Variants in CSMD1 observed in about 807,000 individuals in gnomAD.
CSMD1 encodes CUB and Sushi multiple domains 1.
In CSMD1, 213 loss-of-function variants were observed where a neutral mutation model predicts 417.5. The observed-to-expected ratio is 0.51, with a 90% CI of 0.46 to 0.57. The LOEUF (loss-of-function observed/expected upper bound fraction) is 0.57. Ranked by LOEUF, CSMD1 falls within the 20% of genes least tolerant of loss-of-function variation. The probability of loss-of-function intolerance (pLI) is 0.00; values close to 1 mark genes in which losing one functional copy is unlikely to be tolerated. For synonymous variants in CSMD1, 2,862 were observed against 1,736.8 expected (o/e 1.65, Z -16.11); for missense variants, 6,923 against 4,529.7 (o/e 1.53, Z -15.17).
intron 2 of CSMD1, among the ~76,000 whole-genome samples, chr8:4,606,467 T>C (rs189176389): frequency 2.0e-5 from 3 of 152,250 alleles, no homozygotes; most frequent in East Asian, 3.9e-4. Context: ...GATTACAACA[T>C]CATCCGATGC....
At chr8:3,372,436 G>T (rs1352036742) in intron 18 of CSMD1, among the ~76,000 whole-genome samples, 1 of 152,154 alleles carries the variant, frequency 6.6e-6, no homozygotes, top group African/African-American at 2.4e-5. Context: ...TGCTCCTGAG[G>T]CTGTGCTGAG....
At chr8:3,676,813 T>C (rs1226773593) in intron 7 of CSMD1, among the ~76,000 whole-genome samples, 1 of 152,132 alleles carries the variant, frequency 6.6e-6, no homozygotes, top group Admixed American at 6.6e-5. Flanking sequence ...ATGTGGCACA[T>C]ACACACCATG....
chr8:2,945,388 G>C (rs2721289), intron 68 of CSMD1, among the ~76,000 whole-genome samples: 124,662 of 152,108 alleles, frequency 0.82, 51,497 homozygotes, highest in East Asian at 0.93. Flanking sequence ...GTATTCTACT[G>C]ATTAGATATA....
intron 1 of CSMD1, among the ~76,000 whole-genome samples, chr8:4,746,466 C>G (rs566844604): frequency 6.6e-6 from 1 of 152,170 alleles, no homozygotes; most frequent in Non-Finnish European, 1.5e-5. Flanking sequence ...TATCAGGCTC[C>G]CTCAAGAATG....
chr8:4,687,416 G>C (rs761486057), intron 1 of CSMD1, among the ~76,000 whole-genome samples: 32 of 152,106 alleles, frequency 2.1e-4, no homozygotes, highest in Non-Finnish European at 5.9e-5. Context: ...AGAGTGGAAA[G>C]AAAATGAAAA....
chr8:3,181,819 C>A (rs576497930), intron 36 of CSMD1, among the ~76,000 whole-genome samples: 1 of 152,044 alleles, frequency 6.6e-6, no homozygotes, highest in Non-Finnish European at 1.5e-5. Flanking sequence ...AGTAACTAAC[C>A]GATTGGAAAG....
chr8:3,600,443 C>G (rs1163697570), intron 8 of CSMD1, among the ~76,000 whole-genome samples: 2 of 152,162 alleles, frequency 1.3e-5, no homozygotes, highest in Non-Finnish European at 2.9e-5. Flanking sequence ...ACCAGCAGTT[C>G]TCAGCAAGGG....
chr8:4,053,538 A>C (rs943641898), intron 3 of CSMD1, among the ~76,000 whole-genome samples: 4 of 151,942 alleles, frequency 2.6e-5, no homozygotes, highest in African/African-American at 4.8e-5. Flanking sequence ...TGTTATCTCA[A>C]GTGGTTTTCT....
At chr8:4,027,177 G>C (rs1276738445) in intron 4 of CSMD1, among the ~76,000 whole-genome samples, 1 of 152,064 alleles carries the variant, frequency 6.6e-6, no homozygotes, top group Non-Finnish European at 1.5e-5. Context: ...GTTACGACGA[G>C]GTAAGAAGCA....
At chr8:3,136,254 CTTTT>C (rs1158324400) in intron 41 of CSMD1, among the ~76,000 whole-genome samples, 1 of 129,562 alleles carries the variant, frequency 7.7e-6, no homozygotes. Flanking sequence ...TTTTTTTTTT[CTTTT>C]TTTTTTTTTG....
intron 50 of CSMD1, among the ~76,000 whole-genome samples, chr8:3,039,526 G>A (rs773999051): frequency 4.0e-5 from 5 of 126,112 alleles, no homozygotes; most frequent in South Asian, 4.9e-4. Context: ...TCCCTCCTTC[G>A]TTCCTTCCTT....
intron 15 of CSMD1, among the ~76,000 whole-genome samples, chr8:3,403,961 T>G (rs1161531): frequency 0.94 from 142,950 of 152,256 alleles, 67,126 homozygotes; most frequent in East Asian, 0.96. Context: ...GCCCTTCTAT[T>G]TATCAATATT....
At chr8:4,976,482 TATA>T (rs1268555713) in intron 1 of CSMD1, among the ~76,000 whole-genome samples, 1 of 152,224 alleles carries the variant, frequency 6.6e-6, no homozygotes, top group Non-Finnish European at 1.5e-5. Context: ...ACAATGCTCC[TATA>T]ATATTACGTT....
chr8:4,253,980 G>T (rs566422236), intron 3 of CSMD1, among the ~76,000 whole-genome samples: 1 of 127,556 alleles, frequency 7.8e-6, no homozygotes, highest in Non-Finnish European at 1.6e-5. Context: ...GCAGTGGTGC[G>T]ATCTCGGCTC....
intron 3 of CSMD1, among the ~76,000 whole-genome samples, chr8:4,055,682 C>A (rs1017053276): frequency 6.6e-6 from 1 of 151,940 alleles, no homozygotes; most frequent in Non-Finnish European, 1.5e-5. Flanking sequence ...ACCAAAGTAA[C>A]AATATACTTT....
chr8:3,263,484 A>C (rs1024170068), intron 26 of CSMD1, among the ~76,000 whole-genome samples: 2 of 152,184 alleles, frequency 1.3e-5, no homozygotes, highest in Non-Finnish European at 2.9e-5. Flanking sequence ...AGATGAATTC[A>C]AAGAGCCTTA....
intron 5 of CSMD1, among the ~76,000 whole-genome samples, chr8:3,770,674 C>T (rs1032663814): frequency 5.3e-5 from 8 of 152,158 alleles, no homozygotes; most frequent in Non-Finnish European, 1.0e-4. Flanking sequence ...GACTGACTGT[C>T]GCCCCAACAC....
At chr8:3,559,310 T>A (rs998483939) in intron 10 of CSMD1, among the ~76,000 whole-genome samples, 3 of 152,214 alleles carry the variant, frequency 2.0e-5, no homozygotes, top group Admixed American at 6.5e-5. Context: ...CATGGAATGA[T>A]TGTTTGTGAT....
rs548041959 is a variant in CSMD1, at chr8:3,647,269, C to G, written c.1010-30472G>C. Among the ~76,000 whole-genome samples the G allele has an allele frequency of 1.2e-4, 19 of 152,228 alleles. 1 individual carries two copies. The highest frequency in any genetic ancestry group is 2.5e-4 in the Non-Finnish European group (17 of 68,014). ...GAGTAACAACTCAGATAAAAGGAGA[C>G]CAGGGTGGCAGAACCACCCAATGTC... On this transcript the variant is annotated intron_variant, in intron 7 of 69. Transcript: ENST00000635120.
Sources: allele counts gnomAD v4.1 joint callset (sites outside exome capture counted in the v4.1 genomes callset), GRCh38; gene constraint gnomAD v4.1.1; transcripts MANE v1.5; gene names NCBI Gene and HGNC (gene_info 2026-07-23, HGNC 2026-07-21).